The following MYBPC1 variants were observed in gnomAD, a reference collection of about 807,000 sequenced individuals.
The protein encoded by MYBPC1 is myosin-binding protein C, slow-type.
A neutral mutation model predicts 147.1 loss-of-function variants in MYBPC1; 52 were observed. That is an observed-to-expected ratio of 0.35 (90% CI 0.28 to 0.45). MYBPC1 has a LOEUF of 0.45. MYBPC1 is among the 20% of genes least tolerant of loss of function. The probability of loss-of-function intolerance (pLI) is 1.00; values close to 1 mark genes in which losing one functional copy is unlikely to be tolerated. For missense variants in MYBPC1, 1,228 were observed against 1,440.3 expected (o/e 0.85, Z 2.39); for synonymous variants, 477 against 475.9 (o/e 1.00, Z -0.03).
intron 12 of MYBPC1, among the ~76,000 whole-genome samples, chr12:101,646,008 T>G (rs1355348289): frequency 1.3e-5 from 2 of 152,232 alleles, no homozygotes; most frequent in African/African-American, 4.8e-5. Flanking sequence ...ACTATACCAC[T>G]GGGATAGGTA....
At chr12:101,692,071 A>G in the MYBPC1 span, among the ~76,000 whole-genome samples, 4 of 152,202 alleles carry the variant, frequency 2.6e-5, no homozygotes, top group Admixed American at 2.0e-4. Flanking sequence ...GTACTCCCCA[A>G]CAGGGAACAA....
chr12:101,664,013 C>T (rs1388271511), intron 22 of MYBPC1, among the ~76,000 whole-genome samples: 2 of 152,142 alleles, frequency 1.3e-5, no homozygotes, highest in African/African-American at 4.8e-5. Flanking sequence ...TCATCACCTG[C>T]CTTCATCTAA....
At chr12:101,655,975 TA>T (rs1895476048) in intron 18 of MYBPC1, among the ~76,000 whole-genome samples, 1 of 152,122 alleles carries the variant, frequency 6.6e-6, no homozygotes, top group Non-Finnish European at 1.5e-5. Context: ...TAGGTATGCT[TA>T]TATAGTTATA....
chr12:101,693,238 G>A, the MYBPC1 span, among the ~76,000 whole-genome samples: 2 of 152,042 alleles, frequency 1.3e-5, no homozygotes, highest in African/African-American at 4.8e-5. Flanking sequence ...GAGCCACCGC[G>A]CCCAGCCTAC....
chr12:101,693,134 G>A, the MYBPC1 span, among the ~76,000 whole-genome samples: 1 of 151,912 alleles, frequency 6.6e-6, no homozygotes, highest in African/African-American at 2.4e-5. Context: ...TTTTAGTAGA[G>A]ACAGGGCTTC....
chr12:101,652,785 G>T lies in MYBPC1; in HGVS notation c.1633+1G>T. ...CTGCCTGCCAAAGTTCATGTTATTG[G>T]TGAGTAGATAAAATAATTCATTGCA... is the stretch of plus-strand genomic sequence containing the variant. On this transcript the variant is annotated splice_donor_variant, in intron 17 of 31. Transcript: ENST00000361466. LOFTEE classifies it high-confidence loss of function. 1 of 1,604,888 alleles carries T rather than the reference G, an allele frequency of 6.2e-7. No individual in the cohort carries two copies. The highest frequency in any genetic ancestry group is 8.5e-7 in the Non-Finnish European group (1 of 1,171,684).
intron 25 of MYBPC1, 28 bp from the exon 26 acceptor site, chr12:101,675,264 G>A: frequency 1.2e-6 from 2 of 1,613,612 alleles, no homozygotes; most frequent in African/African-American, 1.3e-5. Context: ...AAGTGACCTT[G>A]CAGTGACACC....
At chr12:101,607,075 C>A (rs1300078665) in intron 1 of MYBPC1, among the ~76,000 whole-genome samples, 1 of 152,136 alleles carries the variant, frequency 6.6e-6, no homozygotes, top group African/African-American at 2.4e-5. Flanking sequence ...ATTCGATCTG[C>A]CCCCCAAAGT....
intron 21 of MYBPC1, 138 bp from the exon 22 acceptor site, chr12:101,663,288 G>A: frequency 1.3e-6 from 1 of 786,360 alleles, no homozygotes; most frequent in Non-Finnish European, 2.2e-6. Context: ...CCATGCTCAA[G>A]GTGTCTTAAC....
At position 101,596,209 on chromosome 12, in the gene MYBPC1, A is replaced by G. The variant is rs183502684; in HGVS notation, c.25+1114A>G. 3.2e-4 allele frequency among the ~76,000 whole-genome samples: 48 copies of G among 152,360 alleles called. No individual in the cohort carries two copies. In the East Asian group the frequency reaches 8.9e-3, roughly 28 times the overall value. On this transcript the variant is annotated intron_variant, in intron 1 of 31. Transcript: ENST00000361466. ...CTTTTAAACATATTTTCTTTATATA[A>G]TTAAGTAACCAGTGTTGACAGGCTG...
At chr12:101,686,264 G>C (rs1215148586), downstream of MYBPC1, among the ~76,000 whole-genome samples, 1 of 152,230 alleles carries the variant, frequency 6.6e-6, no homozygotes, top group Non-Finnish European at 1.5e-5. Context: ...ATGCATTCAT[G>C]CATTTAGGGT....
chr12:101,663,655 C>T, intron 22 of MYBPC1, 95 bp downstream of exon 22: 5 of 1,373,962 alleles, frequency 3.6e-6, no homozygotes, highest in Non-Finnish European at 5.1e-6. Context: ...GAACGCATCA[C>T]CTTCCTACGA....
chr12:101,693,121 T>G, the MYBPC1 span, among the ~76,000 whole-genome samples: 1,749 of 152,114 alleles, frequency 0.011, 8 homozygotes, highest in Non-Finnish European at 0.018. Context: ...TAATTTTTTG[T>G]ATTTTTAGTA....
chr12:101,683,435 T>C (rs1018294581), intron 30 of MYBPC1, among the ~76,000 whole-genome samples: 3 of 151,874 alleles, frequency 2.0e-5, no homozygotes, highest in East Asian at 1.9e-4. Context: ...AAATAAAAAA[T>C]AAAAAAAATA....
chr12:101,671,746 C>T (rs532704112), intron 24 of MYBPC1, among the ~76,000 whole-genome samples: 9 of 152,270 alleles, frequency 5.9e-5, no homozygotes, highest in African/African-American at 1.4e-4. Flanking sequence ...TGGGGGTCTG[C>T]GTGTTCAGCT....
At chr12:101,621,730 A>G (rs1213684179) in intron 3 of MYBPC1, among the ~76,000 whole-genome samples, 1 of 152,214 alleles carries the variant, frequency 6.6e-6, no homozygotes, top group Non-Finnish European at 1.5e-5. Context: ...AAAATCAACC[A>G]TAGGTAGGAG....
intron 1 of MYBPC1, among the ~76,000 whole-genome samples, chr12:101,601,366 G>A (rs1879864319): frequency 6.6e-6 from 1 of 152,102 alleles, no homozygotes. Context: ...GCCCAAAGAT[G>A]GACCACAGGC....
At chr12:101,677,177 A>C (rs187796934) in intron 26 of MYBPC1, 58 bp from the exon 27 acceptor site, 218 of 1,543,948 alleles carry the variant, frequency 1.4e-4, no homozygotes, top group Admixed American at 2.5e-4. Context: ...ATCTACAGTT[A>C]GAAAAATTGT....
At chr12:101,613,445 T>G (rs1884971320) in intron 1 of MYBPC1, among the ~76,000 whole-genome samples, 1 of 152,208 alleles carries the variant, frequency 6.6e-6, no homozygotes, top group African/African-American at 2.4e-5. Flanking sequence ...TATCTTTATA[T>G]TTTATTTAGT....
Sources: gnomAD v4.1 joint callset for allele counts (sites outside exome capture counted in the v4.1 genomes callset) on GRCh38, gnomAD v4.1.1 for gene constraint, MANE v1.5 for transcripts, NCBI Gene and HGNC (gene_info 2026-07-23, HGNC 2026-07-21) for gene names.